Variants in APMAP observed in about 807,000 individuals in gnomAD.
APMAP encodes the protein adipocyte plasma membrane associated protein, also known as adipocyte plasma membrane-associated protein.
APMAP carries 33 observed loss-of-function variants against 43.6 expected under a neutral mutation model. The observed-to-expected ratio is 0.76, with a 90% CI of 0.57 to 1.01. The LOEUF (loss-of-function observed/expected upper bound fraction) is 1.01. Among genes scored for constraint, APMAP ranks in the 50% least tolerant of loss-of-function variants. The pLI is 0.00. For missense variants in APMAP, 498 were observed against 540.7 expected (o/e 0.92, Z 0.78); for synonymous variants, 224 against 216.7 (o/e 1.03, Z -0.30).
At chr20:24,980,952 A>G (rs1441049061) in intron 2 of APMAP, among the ~76,000 whole-genome samples, 1 of 152,222 alleles carries the variant, frequency 6.6e-6, no homozygotes, top group East Asian at 1.9e-4. Context: ...CACTCAGCTG[A>G]TGGACGGGTG....
rs369881722 is a variant in APMAP, at chr20:24,973,611, G to A, written c.421+34C>T. On this transcript the variant is annotated intron_variant, in intron 4 of 8. Transcript: ENST00000217456. ...GATCCAACATCTTTCTGAAAGACTG[G>A]AAGAGACACATCGAGGGATTATCAC... The A allele has an allele frequency of 5.1e-6, 8 of 1,580,312 alleles. No individual in the cohort carries two copies. The African/African-American group carries it at 8.1e-5, about 16-fold the overall frequency.
At chr20:24,969,465 CCCA>C (rs1212432520) in intron 7 of APMAP, 58 bp downstream of exon 7, 28 of 1,545,526 alleles carry the variant, frequency 1.8e-5, no homozygotes, top group Non-Finnish European at 2.5e-5. Flanking sequence ...CCATGCCCAC[CCCA>C]CCCCGGCCAT....
At chr20:24,967,558 A>C (rs1600279822) in intron 8 of APMAP, among the ~76,000 whole-genome samples, 1 of 152,184 alleles carries the variant, frequency 6.6e-6, no homozygotes. Flanking sequence ...ACAGAAAAAC[A>C]CCTGCTCTGA....
intron 5 of APMAP, 139 bp from the exon 6 acceptor site, chr20:24,970,510 T>C (rs574476567): frequency 2.5e-6 from 2 of 815,852 alleles, no homozygotes; most frequent in South Asian, 4.1e-5. Flanking sequence ...TATTCCTTCT[T>C]ATAGTAAAAA....
intron 8 of APMAP, among the ~76,000 whole-genome samples, chr20:24,965,256 T>C (rs1224428413): frequency 6.6e-6 from 1 of 152,242 alleles, no homozygotes; most frequent in Non-Finnish European, 1.5e-5. Flanking sequence ...ATCTGTTGTG[T>C]GTGTCCCTGG....
intron 4 of APMAP, among the ~76,000 whole-genome samples, chr20:24,973,285 G>A (rs1195834513): frequency 2.0e-5 from 3 of 152,178 alleles, no homozygotes; most frequent in Non-Finnish European, 2.9e-5. Flanking sequence ...TCCAAGTAAT[G>A]ACAAGGCCAC....
Position 24,969,740 on chromosome 20 carries a change from A to C in APMAP, c.714-80T>G, listed in dbSNP as rs2087982487. On this transcript the variant is annotated intron_variant, in intron 6 of 8. Coordinates refer to ENST00000217456, the MANE Select transcript of APMAP (RefSeq NM_020531.3). ...GGGCCTTCAGGGTATGGGCCTGAAG[A>C]AGGTGACTCCGCCTCACCCCGGAGC... 10 of 1,495,848 alleles carry C rather than the reference A, an allele frequency of 6.7e-6. No homozygotes were observed. In the Admixed American group the frequency reaches 1.0e-4, roughly 16 times the overall value. The allele number at this position is 1,495,848 out of a possible 1,614,324, so 92.7% of individuals were successfully genotyped here. A position where few individuals can be genotyped will look rare whatever the true frequency, so the allele number is the denominator to read the frequency against.
intron 7 of APMAP, 102 bp from the exon 8 acceptor site, chr20:24,969,186 GAA>G: frequency 8.4e-7 from 1 of 1,184,724 alleles, no homozygotes; most frequent in Non-Finnish European, 1.2e-6. Flanking sequence ...TATATATATG[GAA>G]AGTGCTCTAT....
chr20:24,969,480 A>T, intron 7 of APMAP, 46 bp downstream of exon 7: 1 of 1,561,088 alleles, frequency 6.4e-7, no homozygotes, highest in Non-Finnish European at 8.7e-7. Flanking sequence ...CCCGGCCATG[A>T]TGCGCTCTGG....
At chr20:24,971,178 G>T (rs2087995864) in intron 5 of APMAP, among the ~76,000 whole-genome samples, 1 of 151,996 alleles carries the variant, frequency 6.6e-6, no homozygotes, top group South Asian at 2.1e-4. Context: ...GACAGAAAGA[G>T]GTCTAACTTC....
intron 2 of APMAP, among the ~76,000 whole-genome samples, chr20:24,982,150 T>A (rs1409603523): frequency 6.6e-6 from 1 of 151,958 alleles, no homozygotes; most frequent in African/African-American, 2.4e-5. Context: ...CCCTGTTGGC[T>A]GTGATGGTTC....
chr20:24,992,464 G>C, intron 1 of APMAP, 130 bp downstream of exon 1: 1 of 688,440 alleles, frequency 1.5e-6, no homozygotes, highest in South Asian at 4.3e-5. Context: ...GGGATGAAAC[G>C]AGAGGACTCT....
chr20:24,970,095 T>A, intron 6 of APMAP, 102 bp downstream of exon 6: 1 of 1,402,258 alleles, frequency 7.1e-7, no homozygotes, highest in Non-Finnish European at 9.8e-7. Context: ...TGAAATATGA[T>A]GCTGGAAATA....
rs149015694 is a variant in APMAP, at chr20:24,977,162, G to A, written c.328+1605C>T. Among the ~76,000 whole-genome samples, 825 of 152,296 alleles carry A rather than the reference G, an allele frequency of 5.4e-3. 6 individuals carry two copies. The highest frequency in any genetic ancestry group is 0.018 in the African/African-American group (766 of 41,566). Reference sequence around the variant, plus strand: ...TATAAAACCAAGAGTGAACCCTACCGTAAACTACAGACTCCGAGTACTATT... The same window carrying A: ...TATAAAACCAAGAGTGAACCCTACCATAAACTACAGACTCCGAGTACTATT... On this transcript the variant is annotated intron_variant, in intron 3 of 8. Coordinates refer to ENST00000217456, the MANE Select transcript of APMAP (RefSeq NM_020531.3).
At chr20:24,969,724 G>C in intron 6 of APMAP, 64 bp from the exon 7 acceptor site, 1 of 1,558,156 alleles carries the variant, frequency 6.4e-7, no homozygotes, top group South Asian at 1.2e-5. Context: ...TGGGCCTTCA[G>C]GGTATGGGCC....
intron 3 of APMAP, among the ~76,000 whole-genome samples, chr20:24,977,102 G>A (rs1467047967): frequency 6.6e-6 from 1 of 152,202 alleles, no homozygotes; most frequent in East Asian, 1.9e-4. Flanking sequence ...TACCATAACA[G>A]TGGATACATG....
intron 1 of APMAP, among the ~76,000 whole-genome samples, chr20:24,991,487 G>A (rs944063679): frequency 2.6e-5 from 4 of 152,118 alleles, no homozygotes; most frequent in African/African-American, 9.7e-5. Context: ...AACTATCACC[G>A]CAAAGTCTTC....
Position 24,992,701 on chromosome 20 carries a change from A to AGCCTCACCCGCAGAAACC in APMAP, c.-31_-14dup. On this transcript the variant is annotated 5_prime_UTR_variant, in exon 1 of 9. Coordinates refer to ENST00000217456, the MANE Select transcript of APMAP (RefSeq NM_020531.3). ...CCGCCTCGCTCATGGTACGGGCGCC[A>AGCCTCACCCGCAGAAACC]GCCTCACCCGCAGAAACCACCTCAC... 6.6e-7 allele frequency: 1 copy of AGCCTCACCCGCAGAAACC among 1,505,324 alleles called. No homozygotes were observed. 93.2% of individuals were successfully genotyped at this position (1,505,324 alleles called of 1,614,324 possible). A position where few individuals can be genotyped will look rare whatever the true frequency, so the allele number is the denominator to read the frequency against.
At position 24,968,991 on chromosome 20, in the gene APMAP, C is replaced by A; in HGVS notation, c.942G>T (p.Gly314=). The change falls in exon 8 of 9, where the codon GGG becomes GGT. Residue 314 remains glycine, a synonymous_variant. Transcript: ENST00000217456. ...TGGTCGACATGCCCACCCAGTACCC[C>A]CCAGAGCTGCTGGGCCGGATGTTGT... ...FPDNIRPSSS[G]GYWVGMSTIR... is the part of the protein sequence containing the mutation. 6.2e-7 allele frequency: 1 copy of A among 1,614,012 alleles called. No homozygotes were observed. Among genetic ancestry groups the A allele is most frequent in the Non-Finnish European group, 8.5e-7 (1 of 1,179,984 alleles).
Sources: gnomAD v4.1 joint callset for allele counts (sites outside exome capture counted in the v4.1 genomes callset) on GRCh38, gnomAD v4.1.1 for gene constraint, MANE v1.5 for transcripts, NCBI Gene and HGNC (gene_info 2026-07-23, HGNC 2026-07-21) for gene names.